ZDHHC14: variants seen among roughly 807,000 people sequenced by gnomAD.
ZDHHC14 encodes the protein zDHHC palmitoyltransferase 14.
ZDHHC14 carries 16 observed loss-of-function variants against 47.7 expected under a neutral mutation model. The observed-to-expected ratio is 0.34, with a 90% CI of 0.23 to 0.51. The LOEUF (loss-of-function observed/expected upper bound fraction) is 0.51, where lower values mean the gene tolerates loss of function less well. Ranked by LOEUF, ZDHHC14 falls within the 20% of genes least tolerant of loss-of-function variation. The pLI is 0.97. For missense variants in ZDHHC14, 515 were observed against 662.5 expected (o/e 0.78, Z 2.44); for synonymous variants, 293 against 278.9 (o/e 1.05, Z -0.50).
chr6:157,432,562 G>T (rs1387666508), intron 1 of ZDHHC14, among the ~76,000 whole-genome samples: 2 of 152,164 alleles, frequency 1.3e-5, no homozygotes, highest in African/African-American at 4.8e-5. Flanking sequence ...TATTTTCGTT[G>T]CCTGGTAGCC....
intron 1 of ZDHHC14, among the ~76,000 whole-genome samples, chr6:157,436,583 AG>A (rs879899597): frequency 0.017 from 132 of 7,666 alleles, 1 homozygote; most frequent in Non-Finnish European, 0.025. Context: ...CTGCTGGGGG[AG>A]GGGGGGCGGG....
chr6:157,647,581 T>C (rs575478029), intron 7 of ZDHHC14, among the ~76,000 whole-genome samples: 5 of 152,316 alleles, frequency 3.3e-5, no homozygotes, highest in African/African-American at 4.8e-5. Context: ...CTGTGTCTGA[T>C]TGGGGGGAAA....
At chr6:157,542,141 A>C (rs1373435064) in intron 1 of ZDHHC14, among the ~76,000 whole-genome samples, 1 of 152,180 alleles carries the variant, frequency 6.6e-6, no homozygotes, top group African/African-American at 2.4e-5. Context: ...CATTTGACCC[A>C]AGTGGGAAAG....
At chr6:157,480,027 C>T (rs902850584) in intron 1 of ZDHHC14, among the ~76,000 whole-genome samples, 1 of 152,086 alleles carries the variant, frequency 6.6e-6, no homozygotes, top group African/African-American at 2.4e-5. Flanking sequence ...TTGGGAGGGC[C>T]AACTGGACAA....
chr6:157,394,399 A>G (rs1777481868), intron 1 of ZDHHC14, among the ~76,000 whole-genome samples: 1 of 152,222 alleles, frequency 6.6e-6, no homozygotes. Context: ...TGAGGTTAGA[A>G]AACATGGCAA....
intron 1 of ZDHHC14, among the ~76,000 whole-genome samples, chr6:157,488,428 G>T (rs748001962): frequency 6.6e-6 from 1 of 152,136 alleles, no homozygotes; most frequent in Non-Finnish European, 1.5e-5. Context: ...CTCAATTTGC[G>T]TTGCTTCTAG....
intron 1 of ZDHHC14, among the ~76,000 whole-genome samples, chr6:157,531,655 T>G (rs1270631155): frequency 2.6e-5 from 4 of 151,760 alleles, no homozygotes; most frequent in Non-Finnish European, 5.9e-5. Context: ...TTGATCTTCC[T>G]GCTTTCCTAG....
chr6:157,540,444 A>T (rs35231888), intron 1 of ZDHHC14, among the ~76,000 whole-genome samples: 60,318 of 152,090 alleles, frequency 0.4, 12,128 homozygotes, highest in Admixed American at 0.45. Context: ...AAAGGAAAAA[A>T]TAAGCACACC....
At chr6:157,452,246 A>T (rs1583657297) in intron 1 of ZDHHC14, among the ~76,000 whole-genome samples, 2 of 149,940 alleles carry the variant, frequency 1.3e-5, no homozygotes, top group African/African-American at 4.9e-5. Context: ...AGTACCTAGT[A>T]TTTTTTTTTT....
At chr6:157,434,048 A>T (rs17165323) in intron 1 of ZDHHC14, among the ~76,000 whole-genome samples, 35,962 of 151,948 alleles carry the variant, frequency 0.24, 4,486 homozygotes, top group African/African-American at 0.31. Flanking sequence ...GGCTCAGTAC[A>T]TGGTTTTTGA....
chr6:157,447,876 T>C (rs1583653566), intron 1 of ZDHHC14, among the ~76,000 whole-genome samples: 1 of 152,094 alleles, frequency 6.6e-6, no homozygotes, highest in Non-Finnish European at 1.5e-5. Context: ...TAAAAACTGT[T>C]GTTATTTTTT....
At chr6:157,524,677 G>A (rs139619814) in intron 1 of ZDHHC14, among the ~76,000 whole-genome samples, 10 of 152,270 alleles carry the variant, frequency 6.6e-5, no homozygotes, top group African/African-American at 2.2e-4. Context: ...AATCCGTGAC[G>A]GAGCCTTAAC....
chr6:157,608,063 GGTTT>G (rs535316881), intron 3 of ZDHHC14, among the ~76,000 whole-genome samples: 94 of 152,296 alleles, frequency 6.2e-4, no homozygotes, highest in African/African-American at 2.2e-3. Context: ...CTGATTTGTG[GGTTT>G]GTTTTTCACC....
At chr6:157,596,027 G>T (rs958107000) in intron 3 of ZDHHC14, among the ~76,000 whole-genome samples, 1 of 152,158 alleles carries the variant, frequency 6.6e-6, no homozygotes, top group African/African-American at 2.4e-5. Context: ...AGCTCCGTGG[G>T]GGACAGGTGA....
intron 2 of ZDHHC14, among the ~76,000 whole-genome samples, chr6:157,552,574 A>G (rs947394649): frequency 2.0e-5 from 3 of 152,194 alleles, no homozygotes; most frequent in Admixed American, 1.3e-4. Context: ...AAAGGACTCA[A>G]TGAGGACGGA....
At position 157,433,084 on chromosome 6, in the gene ZDHHC14, C is replaced by T. The variant is rs139576161; in HGVS notation, c.245+50818C>T. 9.6e-3 allele frequency among the ~76,000 whole-genome samples: 1,467 copies of T among 152,370 alleles called. 26 individuals carry two copies. The highest frequency in any genetic ancestry group is 0.033 in the African/African-American group (1,387 of 41,586). On this transcript the variant is annotated intron_variant, in intron 1 of 8. Coordinates refer to ENST00000359775, the MANE Select transcript of ZDHHC14 (RefSeq NM_024630.3). ...GTGCCTGTGTCTAATGAACGTGTTA[C>T]ATGGCCTGTGTGGTCACTTTTCTTT...
intron 1 of ZDHHC14, among the ~76,000 whole-genome samples, chr6:157,504,479 T>G (rs1256629223): frequency 8.9e-6 from 1 of 112,970 alleles, no homozygotes; most frequent in Non-Finnish European, 1.7e-5. Flanking sequence ...TTAGACAGAG[T>G]CTCACTCTTG....
chr6:157,531,861 G>A (rs931006817), intron 1 of ZDHHC14, among the ~76,000 whole-genome samples: 1 of 152,250 alleles, frequency 6.6e-6, no homozygotes, highest in Non-Finnish European at 1.5e-5. Flanking sequence ...TCTTCGTAAC[G>A]CCGAAGACAC....
chr6:157,382,074 G>C lies in ZDHHC14; in HGVS notation c.53G>C (p.Ser18Thr). 6.2e-7 allele frequency: 1 copy of C among 1,605,898 alleles called. No homozygotes were observed. The highest frequency in any genetic ancestry group is 8.5e-7 in the Non-Finnish European group (1 of 1,176,544). Reference protein sequence around the residue: ...PMKDCEYSQISTHSSSPMESP... With the variant: ...PMKDCEYSQITTHSSSPMESP... The stretch of plus-strand genomic sequence containing the variant: ...AAAGACTGCGAGTACAGCCAGATCA[G>C]CACCCACAGCTCCTCCCCCATGGAG... The change falls in exon 1 of 9, where the codon AGC (serine) becomes ACC (threonine). Residue 18 changes from serine (S) to threonine (T), a missense_variant. Ser to Thr is a moderately conservative substitution (Grantham distance 58). This residue lies in a region of ZDHHC14 where 59 missense variants were observed against 57.7 expected (regional missense o/e 1.02). Coordinates refer to ENST00000359775, the MANE Select transcript of ZDHHC14 (RefSeq NM_024630.3).
Sources: allele counts gnomAD v4.1 joint callset (sites outside exome capture counted in the v4.1 genomes callset), GRCh38; gene constraint gnomAD v4.1.1; regional missense constraint gnomAD v4.1.1; transcripts MANE v1.5; gene names NCBI Gene and HGNC (gene_info 2026-07-23, HGNC 2026-07-21).